Variants in DPF3 observed in about 807,000 individuals in gnomAD.
DPF3 encodes zinc finger protein DPF3.
In DPF3, 18 loss-of-function variants were observed where a neutral mutation model predicts 56.8. That is an observed-to-expected ratio of 0.32 (90% CI 0.22 to 0.47). The LOEUF is 0.47. Ranked by LOEUF, DPF3 falls within the 20% of genes least tolerant of loss-of-function variation. The probability of loss-of-function intolerance (pLI) is 1.00; values close to 1 mark genes in which losing one functional copy is unlikely to be tolerated. For missense variants in DPF3, 403 were observed against 488.8 expected (o/e 0.82, Z 1.65); for synonymous variants, 188 against 180.2 (o/e 1.04, Z -0.35).
chr14:72,830,936 G>A (rs1884027875), intron 1 of DPF3, among the ~76,000 whole-genome samples: 2 of 152,136 alleles, frequency 1.3e-5, no homozygotes, highest in African/African-American at 4.8e-5. Context: ...GGCGCACCTC[G>A]GGCCTCTGCC....
intron 2 of DPF3, among the ~76,000 whole-genome samples, chr14:72,760,996 T>C (rs1265628528): frequency 1.3e-5 from 2 of 152,092 alleles, no homozygotes; most frequent in Admixed American, 1.3e-4. Context: ...AGGATTATTT[T>C]ATAATGATAA....
At chr14:72,824,937 G>A (rs1006232163) in intron 1 of DPF3, among the ~76,000 whole-genome samples, 2 of 151,922 alleles carry the variant, frequency 1.3e-5, no homozygotes, top group South Asian at 4.2e-4. Context: ...GCCCAGGTTG[G>A]AGTGCAGTGG....
intron 1 of DPF3, among the ~76,000 whole-genome samples, chr14:72,809,868 T>TCCC (rs1019694178): frequency 5.9e-5 from 9 of 152,044 alleles, no homozygotes; most frequent in African/African-American, 2.2e-4. Context: ...AGTGCTTGAG[T>TCCC]CCCCTCACTA....
At chr14:72,860,719 C>G (rs544362751) in intron 1 of DPF3, among the ~76,000 whole-genome samples, 1 of 152,050 alleles carries the variant, frequency 6.6e-6, no homozygotes, top group East Asian at 1.9e-4. Flanking sequence ...GCGTGCACCA[C>G]CATGCACAGC....
chr14:72,711,189 T>C (rs1048603195), intron 6 of DPF3, among the ~76,000 whole-genome samples: 1 of 152,188 alleles, frequency 6.6e-6, no homozygotes, highest in Non-Finnish European at 1.5e-5. Context: ...TTTTCATAAA[T>C]AACTTGAAAG....
intron 1 of DPF3, among the ~76,000 whole-genome samples, chr14:72,824,102 T>C (rs1883678124): frequency 6.6e-6 from 1 of 152,072 alleles, no homozygotes; most frequent in African/African-American, 2.4e-5. Flanking sequence ...ACTGGAAGCT[T>C]ATCTACCTTC....
intron 1 of DPF3, among the ~76,000 whole-genome samples, chr14:72,799,706 G>T (rs1041295099): frequency 6.6e-6 from 1 of 152,094 alleles, no homozygotes; most frequent in Non-Finnish European, 1.5e-5. Context: ...ATCAGTTCAA[G>T]GGTGAAAATG....
Position 72,752,811 on chromosome 14 carries a change from C to A in DPF3, c.301+453G>T, listed in dbSNP as rs188241666. 2.2e-3 allele frequency among the ~76,000 whole-genome samples: 329 copies of A among 152,284 alleles called. 4 individuals are homozygous for A. The highest frequency in any genetic ancestry group is 7.7e-3 in the African/African-American group (321 of 41,558). On this transcript the variant is annotated intron_variant, in intron 3 of 10. Transcript: ENST00000556509. ...AAGTGCAATTTTTAGTGAATTGGCC[C>A]CTTTTTGTGTAAGATGCTCCAAAGC...
intron 2 of DPF3, among the ~76,000 whole-genome samples, chr14:72,760,192 C>A (rs1325541773): frequency 6.6e-6 from 1 of 152,088 alleles, no homozygotes; most frequent in Non-Finnish European, 1.5e-5. Flanking sequence ...CAATGATGGC[C>A]GGGCGCGGTG....
At chr14:72,860,561 C>T (rs2140096347) in intron 1 of DPF3, among the ~76,000 whole-genome samples, 2 of 151,718 alleles carry the variant, frequency 1.3e-5, no homozygotes, top group Admixed American at 1.3e-4. Flanking sequence ...AATTCTTTTT[C>T]TTTTTCTTTT....
At chr14:72,855,987 C>T (rs11845915) in intron 1 of DPF3, among the ~76,000 whole-genome samples, 4,110 of 152,252 alleles carry the variant, frequency 0.027, 183 homozygotes, top group African/African-American at 0.094. Flanking sequence ...AACTGCTTAC[C>T]GAGGAGCTGG....
At chr14:72,621,784 A>G (rs909409688) in intron 9 of DPF3, among the ~76,000 whole-genome samples, 3 of 152,174 alleles carry the variant, frequency 2.0e-5, no homozygotes, top group African/African-American at 7.2e-5. Context: ...TTTAAGCATC[A>G]TTGATTAGAT....
intron 6 of DPF3, among the ~76,000 whole-genome samples, chr14:72,700,146 A>G (rs1599367793): frequency 6.6e-6 from 1 of 152,216 alleles, no homozygotes; most frequent in African/African-American, 2.4e-5. Context: ...CACAATGGAA[A>G]GAAACGTCTT....
chr14:72,850,806 CATGTGTGT>C (rs1884952022), intron 1 of DPF3, among the ~76,000 whole-genome samples: 1 of 117,710 alleles, frequency 8.5e-6, no homozygotes, highest in Non-Finnish European at 1.8e-5. Flanking sequence ...TGCATGTGTG[CATGTGTGT>C]GTGTGTGCGC....
chr14:72,789,723 G>A (rs560067402), intron 1 of DPF3, among the ~76,000 whole-genome samples: 1 of 151,732 alleles, frequency 6.6e-6, no homozygotes, highest in South Asian at 2.1e-4. Context: ...AAGAGAGATC[G>A]TGTCTCACTT....
At chr14:72,620,899 G>A (rs1884393204) in intron 9 of DPF3, among the ~76,000 whole-genome samples, 1 of 152,222 alleles carries the variant, frequency 6.6e-6, no homozygotes, top group South Asian at 2.1e-4. Context: ...CCAGCACTTA[G>A]GGAGGCCAAG....
Position 72,693,101 on chromosome 14 carries a change from G to C in DPF3, c.717C>G (p.Pro239=). The stretch of plus-strand genomic sequence containing the variant: ...GCCTGTGGTTCTCATTTCTGTGGTT[G>C]GGTGGGGACCGAGTCTCCTGGTCTT... ...EAQDQETRSP[P]NHRNENHRPQ... Residue 239 remains proline, a synonymous_variant, in exon 7 of 11, where the codon CCC becomes CCG. Coordinates refer to ENST00000556509, the MANE Select transcript of DPF3 (RefSeq NM_001280542.3). 2 of 1,614,036 alleles carry C rather than the reference G, an allele frequency of 1.2e-6. No individual in the cohort carries two copies. The highest frequency in any genetic ancestry group is 8.5e-7 in the Non-Finnish European group (1 of 1,179,902).
chr14:72,770,157 A>C (rs533985835), intron 2 of DPF3, among the ~76,000 whole-genome samples: 1 of 152,332 alleles, frequency 6.6e-6, no homozygotes, highest in East Asian at 1.9e-4. Context: ...ATGAAAGTAC[A>C]CACTACCACT....
chr14:72,684,212 A>G (rs1032820450), intron 7 of DPF3, among the ~76,000 whole-genome samples: 2 of 151,840 alleles, frequency 1.3e-5, no homozygotes, highest in Non-Finnish European at 2.9e-5. Context: ...ACACCTGGCT[A>G]ATTTTTGTAT....
Sources: gnomAD v4.1 joint callset for allele counts (sites outside exome capture counted in the v4.1 genomes callset) on GRCh38, gnomAD v4.1.1 for gene constraint, MANE v1.5 for transcripts, NCBI Gene and HGNC (gene_info 2026-07-23, HGNC 2026-07-21) for gene names.